The following MOSMO variants were observed in gnomAD, a reference collection of about 807,000 sequenced individuals.
The protein encoded by MOSMO is modulator of smoothened protein.
In MOSMO, 5 loss-of-function variants were observed where a neutral mutation model predicts 18.4. That is an observed-to-expected ratio of 0.27 (90% CI 0.14 to 0.57). The LOEUF is 0.57. MOSMO is among the 20% of genes least tolerant of loss of function. The pLI is 0.92. For missense variants in MOSMO, 138 were observed against 211.8 expected (o/e 0.65, Z 2.16); for synonymous variants, 82 against 82.3 (o/e 1.00, Z 0.02).
chr16:22,042,921 T>C (rs1014813732), intron 1 of MOSMO, among the ~76,000 whole-genome samples: 2 of 152,212 alleles, frequency 1.3e-5, no homozygotes, highest in Admixed American at 6.5e-5. Flanking sequence ...CTTCAGGTCA[T>C]AGAGGAAAGA....
chr16:22,027,105 G>C (rs1899891987), intron 1 of MOSMO, among the ~76,000 whole-genome samples: 1 of 152,202 alleles, frequency 6.6e-6, no homozygotes, highest in African/African-American at 2.4e-5. Context: ...TTAAAAGGAA[G>C]TAAGGTGGGC....
At chr16:22,063,082 G>A (rs1466458498) in intron 1 of MOSMO, among the ~76,000 whole-genome samples, 1 of 152,268 alleles carries the variant, frequency 6.6e-6, no homozygotes, top group Admixed American at 6.5e-5. Context: ...TCGAACTCCT[G>A]ACCTCAGGTG....
downstream of MOSMO, among the ~76,000 whole-genome samples, chr16:22,088,035 CT>C (rs1031880168): frequency 6.2e-4 from 90 of 146,050 alleles, no homozygotes; most frequent in Non-Finnish European, 4.4e-4. Context: ...CCTGCCACTG[CT>C]TTTTTTTTTT....
chr16:22,087,559 A>G (rs958569709), downstream of MOSMO: 5 of 152,234 alleles, frequency 3.3e-5, no homozygotes, highest in Non-Finnish European at 5.9e-5. Context: ...TTTGTTTTCT[A>G]TGACAAATGC....
rs536945571 is a variant in MOSMO at position 22,067,036 on chromosome 16, G to C, written c.107-8451G>C. Among the ~76,000 whole-genome samples the C allele has an allele frequency of 2.0e-4, 30 of 152,244 alleles. 1 individual carries two copies. The highest frequency in any genetic ancestry group is 7.0e-4 in the African/African-American group (29 of 41,544). On this transcript the variant is annotated intron_variant, in intron 1 of 2. Coordinates refer to ENST00000542527, the MANE Select transcript of MOSMO (RefSeq NM_001164579.2). ...TTTGAAAACAGTGGCTTACCACATA[G>C]AGAATATCTAATAAAGAGATAGAAA...
At chr16:22,013,693 T>C (rs1899579041) in intron 1 of MOSMO, among the ~76,000 whole-genome samples, 1 of 152,156 alleles carries the variant, frequency 6.6e-6, no homozygotes, top group African/African-American at 2.4e-5. Context: ...GATTTCCAGA[T>C]GTTCCCCAAA....
chr16:22,092,603 T>G, the MOSMO span: 1 of 1,549,806 alleles, frequency 6.5e-7, no homozygotes, highest in Non-Finnish European at 8.7e-7. Context: ...GGCCCTGGAG[T>G]GCCAGGAGCC....
At chr16:22,078,101 G>T (rs532671964) in intron 2 of MOSMO, among the ~76,000 whole-genome samples, 1 of 152,026 alleles carries the variant, frequency 6.6e-6, no homozygotes, top group South Asian at 2.1e-4. Context: ...AAGATGAGTC[G>T]TCCTGTTCTT....
At chr16:22,080,358 T>C (rs1463640984) in intron 2 of MOSMO, among the ~76,000 whole-genome samples, 1 of 152,190 alleles carries the variant, frequency 6.6e-6, no homozygotes, top group African/African-American at 2.4e-5. Flanking sequence ...AGAGCTGGAA[T>C]TGAGCCCCTA....
At chr16:22,047,743 A>G (rs12922964) in intron 1 of MOSMO, among the ~76,000 whole-genome samples, 12,830 of 152,236 alleles carry the variant, frequency 0.084, 749 homozygotes, top group South Asian at 0.25. Flanking sequence ...CAGTTGTGTC[A>G]GGTCCTCTGG....
intron 1 of MOSMO, among the ~76,000 whole-genome samples, chr16:22,067,774 G>A (rs1460753241): frequency 6.6e-6 from 1 of 152,104 alleles, no homozygotes; most frequent in Non-Finnish European, 1.5e-5. Flanking sequence ...AGCTACTCAG[G>A]AGGCTGAGGT....
intron 1 of MOSMO, among the ~76,000 whole-genome samples, chr16:22,025,175 T>C (rs189764856): frequency 2.6e-5 from 4 of 151,968 alleles, no homozygotes; most frequent in Non-Finnish European, 5.9e-5. Flanking sequence ...AAATTCTATC[T>C]GTTCAGCTTA....
At chr16:22,090,371 C>T (rs1016375064), downstream of MOSMO, 1 of 152,120 alleles carries the variant, frequency 6.6e-6, no homozygotes. Context: ...TTTCCTTAAA[C>T]CAGTTTGAGT....
chr16:22,034,354 T>C (rs1455661951), intron 1 of MOSMO, among the ~76,000 whole-genome samples: 2 of 152,220 alleles, frequency 1.3e-5, no homozygotes, highest in African/African-American at 4.8e-5. Flanking sequence ...TCATTTTCTT[T>C]CTCTCTAAAG....
chr16:22,090,156 G>C (rs1901271421), downstream of MOSMO: 1 of 152,156 alleles, frequency 6.6e-6, no homozygotes, highest in Admixed American at 6.5e-5. Context: ...GACTTTGCTG[G>C]AATAGAGTTG....
chr16:22,015,252 CT>C (rs961694329), intron 1 of MOSMO, among the ~76,000 whole-genome samples: 100 of 150,036 alleles, frequency 6.7e-4, no homozygotes, highest in African/African-American at 2.2e-3. Context: ...CATGTTATGA[CT>C]TTTTTTTTTC....
chr16:22,048,446 T>C (rs533126211), intron 1 of MOSMO, among the ~76,000 whole-genome samples: 2 of 152,342 alleles, frequency 1.3e-5, no homozygotes, highest in South Asian at 4.1e-4. Flanking sequence ...TATTCATTTC[T>C]CCGTATCTTT....
chr16:22,049,177 C>A (rs1380035195), intron 1 of MOSMO, among the ~76,000 whole-genome samples: 1 of 152,062 alleles, frequency 6.6e-6, no homozygotes, highest in Non-Finnish European at 1.5e-5. Flanking sequence ...CGTTAATAGT[C>A]AAAATATAGA....
At chr16:22,053,722 G>T (rs1299088872) in intron 1 of MOSMO, among the ~76,000 whole-genome samples, 1 of 152,102 alleles carries the variant, frequency 6.6e-6, no homozygotes, top group African/African-American at 2.4e-5. Flanking sequence ...AGAATCACTT[G>T]AACCCAGGAG....
Sources: allele counts gnomAD v4.1 joint callset (sites outside exome capture counted in the v4.1 genomes callset), GRCh38; gene constraint gnomAD v4.1.1; transcripts MANE v1.5; gene names NCBI Gene and HGNC (gene_info 2026-07-23, HGNC 2026-07-21).